The following ITPK1 variants were observed in gnomAD, a reference collection of about 807,000 sequenced individuals.
ITPK1 encodes inositol-tetrakisphosphate 1-kinase.
Under a neutral mutation model 45.3 loss-of-function variants are expected in ITPK1, and 21 were observed. The observed-to-expected ratio is 0.46, with a 90% CI of 0.33 to 0.67. The LOEUF is 0.67. Among genes scored for constraint, ITPK1 ranks in the 30% least tolerant of loss-of-function variants. The pLI is 0.02. For missense variants in ITPK1, 474 were observed against 573.5 expected (o/e 0.83, Z 1.77); for synonymous variants, 258 against 253.6 (o/e 1.02, Z -0.16).
At chr14:92,984,540 T>C (rs1310065147) in intron 5 of ITPK1, among the ~76,000 whole-genome samples, 1 of 152,226 alleles carries the variant, frequency 6.6e-6, no homozygotes, top group African/African-American at 2.4e-5. Context: ...CAATCGGTAA[T>C]GAAATTCAAC....
intron 3 of ITPK1, among the ~76,000 whole-genome samples, chr14:93,023,614 G>A (rs1330784268): frequency 6.6e-6 from 1 of 152,184 alleles, no homozygotes; most frequent in East Asian, 1.9e-4. Context: ...GAAAGGGAAG[G>A]GGAGAAAAGC....
At chr14:93,043,185 G>A (rs1889634290) in intron 3 of ITPK1, among the ~76,000 whole-genome samples, 1 of 152,152 alleles carries the variant, frequency 6.6e-6, no homozygotes, top group African/African-American at 2.4e-5. Flanking sequence ...TGGGCCACAG[G>A]TGGTTTCACA....
At chr14:92,949,981 G>A (rs959665743) in intron 9 of ITPK1, among the ~76,000 whole-genome samples, 1 of 152,172 alleles carries the variant, frequency 6.6e-6, no homozygotes, top group Non-Finnish European at 1.5e-5. Flanking sequence ...TGGCAACTGC[G>A]GTGGGTGCTT....
intron 3 of ITPK1, among the ~76,000 whole-genome samples, chr14:93,033,764 G>A (rs1361754601): frequency 6.6e-6 from 1 of 152,182 alleles, no homozygotes; most frequent in East Asian, 1.9e-4. Flanking sequence ...GGTTTCTCCT[G>A]GAAGAGAACG....
intron 10 of ITPK1, among the ~76,000 whole-genome samples, chr14:92,943,344 G>A (rs1437433240): frequency 6.6e-6 from 1 of 152,234 alleles, no homozygotes; most frequent in Non-Finnish European, 1.5e-5. Context: ...CCGTTTCACA[G>A]GTGAGGACCC....
intron 2 of ITPK1, 31 bp downstream of exon 2, chr14:93,115,037 TC>T: frequency 2.1e-6 from 3 of 1,455,944 alleles, no homozygotes; most frequent in Non-Finnish European, 1.9e-6. Flanking sequence ...GGGCCGGGGG[TC>T]CCCGGGCGCC....
intron 2 of ITPK1, among the ~76,000 whole-genome samples, chr14:93,085,561 A>C (rs1314666662): frequency 6.6e-6 from 1 of 152,184 alleles, no homozygotes; most frequent in Non-Finnish European, 1.5e-5. Context: ...CGGAGAGGTC[A>C]TCAGAGCTGC....
In ITPK1 at chr14:92,940,330, A is replaced by C; in HGVS notation, c.*1231T>G. 3 of 995,996 alleles carry C rather than the reference A, an allele frequency of 3.0e-6. No homozygotes were observed. The highest frequency in any genetic ancestry group is 3.6e-6 in the Non-Finnish European group (3 of 836,156). 61.7% of individuals were successfully genotyped at this position (995,996 alleles called of 1,614,324 possible). ...CACCCCACATCTTCCAGGACTGCAGAGGCTTCTCCCCAACCCTTTTCTCTG... is the reference window on the plus strand; with the variant it reads ...CACCCCACATCTTCCAGGACTGCAGCGGCTTCTCCCCAACCCTTTTCTCTG... On this transcript the variant is annotated 3_prime_UTR_variant, in exon 11 of 11. Transcript: ENST00000267615.
intron 2 of ITPK1, among the ~76,000 whole-genome samples, chr14:93,090,110 C>T (rs1016093632): frequency 1.1e-4 from 17 of 151,748 alleles, no homozygotes; most frequent in Non-Finnish European, 2.5e-4. Context: ...CCTGCCCAGA[C>T]TCACCCCCTG....
At chr14:92,980,855 G>A (rs771426471) in intron 5 of ITPK1, among the ~76,000 whole-genome samples, 2 of 152,234 alleles carry the variant, frequency 1.3e-5, no homozygotes, top group East Asian at 3.9e-4. Context: ...CTACAGGCAC[G>A]TGCCACCATG....
chr14:93,113,583 A>G (rs975733424), intron 2 of ITPK1, among the ~76,000 whole-genome samples: 1 of 152,218 alleles, frequency 6.6e-6, no homozygotes, highest in Non-Finnish European at 1.5e-5. Flanking sequence ...AAATTTCTTT[A>G]GTGTCTTAGA....
rs11285368 is a variant in ITPK1 at position 93,105,522 on chromosome 14, CTTTTTTTT to C, written c.95+9539_95+9546del. ...TCCCTTCTCCCCAGTGCCCCTGGAGCTTTTTTTTTTTTTTTTTGGAGACGGAGTCTTGC... is the reference window on the plus strand; with the variant it reads ...TCCCTTCTCCCCAGTGCCCCTGGAGCTTTTTTTTTGGAGACGGAGTCTTGC... On this transcript the variant is annotated intron_variant, in intron 2 of 10. Coordinates refer to ENST00000267615, the MANE Select transcript of ITPK1 (RefSeq NM_014216.6). Among the ~76,000 whole-genome samples the C allele has an allele frequency of 4.7e-4, 47 of 100,128 alleles. No homozygotes were observed. In the East Asian group the frequency reaches 0.012, roughly 26 times the overall value. 65.7% of individuals were successfully genotyped at this position (100,128 alleles called of 152,430 possible).
chr14:93,098,803 G>A (rs1036538368), intron 2 of ITPK1, among the ~76,000 whole-genome samples: 1 of 152,146 alleles, frequency 6.6e-6, no homozygotes, highest in Non-Finnish European at 1.5e-5. Context: ...TTCCCTTCCC[G>A]AGCTTCCCTC....
intron 4 of ITPK1, among the ~76,000 whole-genome samples, chr14:93,007,949 G>C (rs1288485376): frequency 6.6e-6 from 1 of 152,194 alleles, no homozygotes; most frequent in Non-Finnish European, 1.5e-5. Context: ...GATATTTTGT[G>C]TCCTCAAAGA....
At chr14:93,018,302 T>C (rs1888293329) in intron 3 of ITPK1, among the ~76,000 whole-genome samples, 1 of 152,094 alleles carries the variant, frequency 6.6e-6, no homozygotes, top group Non-Finnish European at 1.5e-5. Context: ...AGGTACATTT[T>C]TGGTCCCCTA....
intron 5 of ITPK1, among the ~76,000 whole-genome samples, chr14:92,965,467 C>T (rs1275860652): frequency 6.6e-6 from 1 of 152,180 alleles, no homozygotes; most frequent in Non-Finnish European, 1.5e-5. Context: ...TTCTATTTAA[C>T]ACTGTACTGG....
At chr14:92,967,234 A>C (rs1055964570) in intron 5 of ITPK1, among the ~76,000 whole-genome samples, 4 of 152,254 alleles carry the variant, frequency 2.6e-5, no homozygotes, top group African/African-American at 9.6e-5. Context: ...ACAACTGAAC[A>C]ATTAAAAAGA....
chr14:92,958,649 A>G lies in ITPK1; in HGVS notation c.505-283T>C, dbSNP rs1216955987. ...GCACTGCACAACTTCTGAGAGCGTG[A>G]CACCACTTGTCGCACTGTGGTCCAG... On this transcript the variant is annotated intron_variant, in intron 7 of 10. Coordinates refer to ENST00000267615, the MANE Select transcript of ITPK1 (RefSeq NM_014216.6). This position sits in a 1 kb window ranked among gnomAD's most constrained non-coding sequence, Gnocchi z 4.4. Among the ~76,000 whole-genome samples, 2 of 152,148 alleles carry G rather than the reference A, an allele frequency of 1.3e-5. No individual in the cohort carries two copies. The highest frequency in any genetic ancestry group is 1.3e-4 in the Admixed American group (2 of 15,276).
In ITPK1 at chr14:93,034,122, G is replaced by T. The variant is rs1220582078; in HGVS notation, c.121-17321C>A. On this transcript the variant is annotated intron_variant, in intron 3 of 10. Coordinates refer to ENST00000267615, the MANE Select transcript of ITPK1 (RefSeq NM_014216.6). The surrounding 1 kb of genome is among the most constrained non-coding windows in gnomAD (Gnocchi z 4.1). Reference sequence around the variant, plus strand: ...CAAAAGCCGTCTAATACTTCCCCATGGGTCCCTGGTAAGCCCTGCCCCGAC... The same window carrying T: ...CAAAAGCCGTCTAATACTTCCCCATTGGTCCCTGGTAAGCCCTGCCCCGAC... Among the ~76,000 whole-genome samples the T allele has an allele frequency of 6.6e-6, 1 of 152,074 alleles. No individual in the cohort carries two copies. The highest frequency in any genetic ancestry group is 2.4e-5 in the African/African-American group (1 of 41,406).
Sources: gnomAD v4.1 joint callset for allele counts (sites outside exome capture counted in the v4.1 genomes callset) on GRCh38, gnomAD v4.1.1 for gene constraint, Gnocchi (gnomAD v3.1) non-coding constraint, MANE v1.5 for transcripts, NCBI Gene and HGNC (gene_info 2026-07-23, HGNC 2026-07-21) for gene names.